The following FCRL2 variants were observed in gnomAD, a reference collection of about 807,000 sequenced individuals.
The protein encoded by FCRL2 is Fc receptor-like protein 2.
FCRL2 carries 48 observed loss-of-function variants against 59.8 expected under a neutral mutation model. That is an observed-to-expected ratio of 0.80 (90% confidence interval 0.64 to 1.02). The LOEUF is 1.02. Ranked by LOEUF, FCRL2 falls within the 50% of genes least tolerant of loss-of-function variation. The probability of loss-of-function intolerance (pLI) is 0.00; values close to 1 mark genes in which losing one functional copy is unlikely to be tolerated. For missense variants in FCRL2, 658 were observed against 597.3 expected, an observed-to-expected ratio of 1.10 and a Z score of -1.06; for synonymous variants, 251 against 229.5, an observed-to-expected ratio of 1.09 and a Z score of -0.85.
chr1:157,765,788 G>T (rs1381986238), intron 7 of FCRL2, among the ~76,000 whole-genome samples: 2 of 152,168 alleles, frequency 1.3e-5, no homozygotes, highest in African/African-American at 4.8e-5. Flanking sequence ...CTGATACCTA[G>T]GCAAGTTTGA....
chr1:157,768,849 A>AT, intron 4 of FCRL2, 148 bp from the exon 5 acceptor site: 1 of 778,456 alleles, frequency 1.3e-6, no homozygotes. Flanking sequence ...TAGGGAATCT[A>AT]TAACAATTAT....
rs1176878475 is a variant in FCRL2 at position 157,748,552 on chromosome 1, C to G, written c.1459+1G>C. 6.2e-7 allele frequency: 1 copy of G among 1,613,500 alleles called. No individual in the cohort carries two copies. The highest frequency in any genetic ancestry group is 1.7e-5 in the Admixed American group (1 of 60,018). ...ACAAGAACTACTTTGCAGTTTCTCA[C>G]CTGAGCTTTCTGGCTGCTGCATGCT... On this transcript the variant is annotated splice_donor_variant, in intron 10 of 11. Transcript: ENST00000361516. LOFTEE classifies it high-confidence loss of function.
Position 157,754,471 on chromosome 1 carries a change from G to C in FCRL2, c.1280-4794C>G, listed in dbSNP as rs113805645. Among the ~76,000 whole-genome samples, 814 of 152,076 alleles carry C rather than the reference G, an allele frequency of 5.4e-3. 5 individuals carry two copies. The highest frequency in any genetic ancestry group is 0.017 in the Middle Eastern group (5 of 294). On this transcript the variant is annotated intron_variant, in intron 7 of 11. Coordinates refer to ENST00000361516, the MANE Select transcript of FCRL2 (RefSeq NM_030764.4). Reference sequence around the variant, plus strand: ...AAAAATGGGCAACAAGGAACCCTTGGGGCTACTCTGCCTATGGAATAGCCA... The same window carrying C: ...AAAAATGGGCAACAAGGAACCCTTGCGGCTACTCTGCCTATGGAATAGCCA...
At chr1:157,775,826 A>G in intron 1 of FCRL2, 31 bp from the exon 2 acceptor site, 1 of 1,613,300 alleles carries the variant, frequency 6.2e-7, no homozygotes, top group African/African-American at 1.3e-5. Flanking sequence ...AGAGATTAGC[A>G]CACAGCATTT....
rs766083712 is a variant in FCRL2 at position 157,768,696 on chromosome 1, G to T, written c.601C>A (p.Pro201Thr). ...ATCTCCAAGCTTACATTAGAGATGGGGATTCCTAGATGGATATAAGACAAC... is the reference window on the plus strand; with the variant it reads ...ATCTCCAAGCTTACATTAGAGATGGTGATTCCTAGATGGATATAAGACAAC... Reference protein sequence around the residue: ...LQSQIHVQRIPISNVSLEIRA... With the variant: ...LQSQIHVQRITISNVSLEIRA... Residue 201 changes from proline to threonine, a missense_variant, in exon 5 of 12, where the codon CCC (proline) becomes ACC (threonine). Coordinates refer to ENST00000361516, the MANE Select transcript of FCRL2 (RefSeq NM_030764.4). 1.9e-6 allele frequency: 3 copies of T among 1,608,024 alleles called. No individual in the cohort carries two copies. The highest frequency in any genetic ancestry group is 2.2e-5 in the South Asian group (2 of 90,206).
intron 2 of FCRL2, chr1:157,774,323 G>A (rs937373888): frequency 2.5e-6 from 1 of 392,910 alleles, no homozygotes; most frequent in African/African-American, 2.1e-5. Flanking sequence ...CCAAGACTGG[G>A]GTTCAGAGGC....
At chr1:157,762,311 C>G (rs1183764851) in intron 7 of FCRL2, among the ~76,000 whole-genome samples, 1 of 152,198 alleles carries the variant, frequency 6.6e-6, no homozygotes, top group Non-Finnish European at 1.5e-5. Context: ...AGAGGGTGGA[C>G]CTGCCACTGC....
Position 157,770,624 on chromosome 1 carries a change from T to C in FCRL2, c.95A>G (p.Asp32Gly), listed in dbSNP as rs907865224. The C allele has an allele frequency of 1.2e-6, 2 of 1,614,118 alleles. No individual in the cohort carries two copies. The highest frequency in any genetic ancestry group is 1.7e-5 in the Admixed American group (1 of 60,026). The change falls in exon 3 of 12, where the codon GAC (aspartate) becomes GGC (glycine). Residue 32 changes from aspartate to glycine, a missense_variant. Coordinates refer to ENST00000361516, the MANE Select transcript of FCRL2 (RefSeq NM_030764.4). ...LVAPSSVFEGDSIVLKCQGEQ... is the reference protein window; with the variant it reads ...LVAPSSVFEGGSIVLKCQGEQ... ...TCCCTGGCATTTCAGAACGATGCTG[T>C]CTCCTTCGAAGACAGAAGAGGGCGC...
chr1:157,755,364 C>G (rs1023127482), intron 7 of FCRL2, among the ~76,000 whole-genome samples: 1 of 152,120 alleles, frequency 6.6e-6, no homozygotes, highest in Non-Finnish European at 1.5e-5. Flanking sequence ...TCAAAACTTA[C>G]AATACTTTGT....
rs759712456 is a variant in FCRL2, at chr1:157,748,925, T to C, written c.1343A>G (p.Tyr448Cys). 1.9e-6 allele frequency: 3 copies of C among 1,613,878 alleles called. No homozygotes were observed. The highest frequency in any genetic ancestry group is 4.5e-5 in the East Asian group (2 of 44,898). The part of the protein sequence containing the change: ...ASRPNPQEFT[Y>C]SSPTPDMEEL... Reference sequence around the variant, plus strand: ...CTCCATGTCTGGGGTTGGGCTTGAATAGGTGAACTCTTGAGGATTTGGCCT... The same window carrying C: ...CTCCATGTCTGGGGTTGGGCTTGAACAGGTGAACTCTTGAGGATTTGGCCT... Residue 448 changes from tyrosine to cysteine, a missense_variant, in exon 9 of 12, where the codon TAT (tyrosine) becomes TGT (cysteine). Coordinates refer to ENST00000361516, the MANE Select transcript of FCRL2 (RefSeq NM_030764.4).
At chr1:157,769,490 T>C (rs191094290) in intron 4 of FCRL2, 6 of 180,160 alleles carry the variant, frequency 3.3e-5, no homozygotes, top group Admixed American at 3.2e-4. Flanking sequence ...TGCAGTGGCG[T>C]GATCTCGGCT....
At chr1:157,770,275 G>T in intron 3 of FCRL2, 125 bp from the exon 4 acceptor site, 2 of 1,446,466 alleles carry the variant, frequency 1.4e-6, no homozygotes, top group Admixed American at 4.1e-5. Context: ...ACCCATCATG[G>T]CTCCTTTGAT....
At chr1:157,756,394 G>T (rs1418755700) in intron 7 of FCRL2, among the ~76,000 whole-genome samples, 1 of 152,192 alleles carries the variant, frequency 6.6e-6, no homozygotes, top group African/African-American at 2.4e-5. Context: ...GCCAGTTTGG[G>T]ATATCTGGCC....
intron 2 of FCRL2, among the ~76,000 whole-genome samples, chr1:157,774,897 CAAGGG>C (rs1380224084): frequency 1.3e-5 from 2 of 152,142 alleles, no homozygotes; most frequent in East Asian, 3.8e-4. Flanking sequence ...ATTCAATGGG[CAAGGG>C]AACAAGTCTC....
In FCRL2 at chr1:157,756,879, A is replaced by T. The variant is rs972273556; in HGVS notation, c.1280-7202T>A. ...ATTAGTTCAATCTAGCAATTCCACA[A>T]CGTATACTTATTTGAAAACATCATG... On this transcript the variant is annotated intron_variant, in intron 7 of 11. Transcript: ENST00000361516. Among the ~76,000 whole-genome samples, 5 of 152,238 alleles carry T rather than the reference A, an allele frequency of 3.3e-5. No individual in the cohort carries two copies. The South Asian group carries it at 1.0e-3, about 32-fold the overall frequency.
At chr1:157,767,189 G>A in intron 6 of FCRL2, 42 bp downstream of exon 6, 1 of 1,576,756 alleles carries the variant, frequency 6.3e-7, no homozygotes, top group South Asian at 1.2e-5. Flanking sequence ...GTGAGACACA[G>A]CCATTGACAT....
At chr1:157,758,680 C>CAAAAAAAAAA (rs59716565) in intron 7 of FCRL2, among the ~76,000 whole-genome samples, 7 of 55,400 alleles carry the variant, frequency 1.3e-4, no homozygotes, top group Non-Finnish European at 1.7e-4. Flanking sequence ...CAGTCCCAAG[C>CAAAAAAAAAA]AAAAAAAAAA....
intron 7 of FCRL2, among the ~76,000 whole-genome samples, chr1:157,765,187 A>T (rs551718968): frequency 1.2e-4 from 18 of 152,338 alleles, no homozygotes; most frequent in African/African-American, 4.3e-4. Flanking sequence ...TGAACAGGAA[A>T]GTCTACAGGA....
chr1:157,767,176 C>T (rs996591726), intron 6 of FCRL2, 55 bp downstream of exon 6: 7 of 1,560,622 alleles, frequency 4.5e-6, no homozygotes, highest in Non-Finnish European at 6.1e-6. Context: ...CATCTCCAGG[C>T]TGGTGAGACA....
Sources: gnomAD v4.1 joint callset for allele counts (sites outside exome capture counted in the v4.1 genomes callset) on GRCh38, gnomAD v4.1.1 for gene constraint, MANE v1.5 for transcripts, NCBI Gene and HGNC (gene_info 2026-07-23, HGNC 2026-07-21) for gene names.